BICC1: variants seen among roughly 807,000 people sequenced by gnomAD.
The protein encoded by BICC1 is BicC family RNA binding protein 1.
BICC1 carries 43 observed loss-of-function variants against 111.0 expected under a neutral mutation model. The observed-to-expected ratio is 0.39, with a 90% CI of 0.30 to 0.50. The LOEUF (loss-of-function observed/expected upper bound fraction) is 0.50. BICC1 is among the 20% of genes least tolerant of loss of function. The probability of loss-of-function intolerance (pLI) is 0.88; values close to 1 mark genes in which losing one functional copy is unlikely to be tolerated. For synonymous variants in BICC1, 467 were observed against 434.4 expected (o/e 1.07, Z -0.93); for missense variants, 1,091 against 1,203.2 (o/e 0.91, Z 1.38).
At chr10:58,519,714 T>C (rs894850675) in intron 1 of BICC1, among the ~76,000 whole-genome samples, 3 of 152,138 alleles carry the variant, frequency 2.0e-5, no homozygotes, top group African/African-American at 7.2e-5. Flanking sequence ...TAAACCTAAA[T>C]ACCAAAGAGG....
At chr10:58,734,009 A>C (rs780853624) in intron 3 of BICC1, among the ~76,000 whole-genome samples, 1 of 152,198 alleles carries the variant, frequency 6.6e-6, no homozygotes, top group Non-Finnish European at 1.5e-5. Context: ...ATTTGTATTG[A>C]TCTCTGCCCT....
At chr10:58,713,552 T>A (rs899175723) in intron 3 of BICC1, among the ~76,000 whole-genome samples, 1 of 152,206 alleles carries the variant, frequency 6.6e-6, no homozygotes, top group African/African-American at 2.4e-5. Context: ...GAATTGTAAG[T>A]GATGTAGTTT....
At chr10:58,628,999 GAAAGT>G (rs1323941511) in intron 2 of BICC1, among the ~76,000 whole-genome samples, 2 of 152,176 alleles carry the variant, frequency 1.3e-5, no homozygotes, top group Non-Finnish European at 2.9e-5. Flanking sequence ...GCTAGACTGT[GAAAGT>G]GTGGAAAGCC....
chr10:58,750,372 C>T (rs984494735), intron 3 of BICC1, among the ~76,000 whole-genome samples: 3 of 151,972 alleles, frequency 2.0e-5, no homozygotes, highest in Non-Finnish European at 4.4e-5. Context: ...TCTAAAATGC[C>T]ATTGATTGTT....
chr10:58,768,692 CAA>C (rs77007848), intron 3 of BICC1, among the ~76,000 whole-genome samples: 2 of 151,118 alleles, frequency 1.3e-5, no homozygotes, highest in Non-Finnish European at 3.0e-5. Flanking sequence ...ATCATAACAT[CAA>C]AAAAAATGGG....
chr10:58,566,664 A>G (rs1352874183), intron 1 of BICC1, among the ~76,000 whole-genome samples: 1 of 151,810 alleles, frequency 6.6e-6, no homozygotes, highest in Non-Finnish European at 1.5e-5. Flanking sequence ...ATCATCATCT[A>G]TTATTTTTTG....
intron 1 of BICC1, among the ~76,000 whole-genome samples, chr10:58,563,481 C>G (rs1843668340): frequency 1.3e-5 from 2 of 152,290 alleles, no homozygotes; most frequent in South Asian, 4.1e-4. Context: ...TCAAGCCAAT[C>G]CTTGCTGGAT....
intron 1 of BICC1, among the ~76,000 whole-genome samples, chr10:58,610,659 T>C (rs1344241630): frequency 6.6e-6 from 1 of 151,872 alleles, no homozygotes; most frequent in African/African-American, 2.4e-5. Context: ...TATAATGGGG[T>C]AAATTTCTGT....
chr10:58,695,199 A>G (rs148022646), intron 2 of BICC1, among the ~76,000 whole-genome samples: 2 of 152,292 alleles, frequency 1.3e-5, no homozygotes, highest in African/African-American at 2.4e-5. Context: ...GAACCCTCTA[A>G]TGTCTCAGCA....
chr10:58,681,465 C>T (rs1178608905), intron 2 of BICC1, among the ~76,000 whole-genome samples: 2 of 152,072 alleles, frequency 1.3e-5, no homozygotes, highest in African/African-American at 2.4e-5. Flanking sequence ...GATACCATCT[C>T]CAGTTAGAAT....
intron 1 of BICC1, among the ~76,000 whole-genome samples, chr10:58,583,117 G>T (rs1844326771): frequency 6.6e-6 from 1 of 152,126 alleles, no homozygotes; most frequent in Admixed American, 6.6e-5. Context: ...ATCAGTTGAA[G>T]AAATAGATGT....
intron 1 of BICC1, among the ~76,000 whole-genome samples, chr10:58,521,025 C>T (rs1842373574): frequency 6.6e-6 from 1 of 152,136 alleles, no homozygotes; most frequent in African/African-American, 2.4e-5. Flanking sequence ...CTATCTTTTT[C>T]ACTTAGCGTT....
intron 1 of BICC1, among the ~76,000 whole-genome samples, chr10:58,552,727 A>T (rs937715813): frequency 6.6e-6 from 1 of 152,214 alleles, no homozygotes; most frequent in African/African-American, 2.4e-5. Flanking sequence ...GAAACTATCT[A>T]GCCAAGTGAT....
intron 1 of BICC1, among the ~76,000 whole-genome samples, chr10:58,566,212 A>C (rs1454833081): frequency 6.6e-6 from 1 of 152,006 alleles, no homozygotes; most frequent in Non-Finnish European, 1.5e-5. Flanking sequence ...ACATGTACAC[A>C]CTTGCATATG....
chr10:58,687,031 G>T lies in BICC1; in HGVS notation c.238-15043G>T, dbSNP rs544051903. 5.3e-5 allele frequency among the ~76,000 whole-genome samples: 8 copies of T among 152,276 alleles called. No homozygotes were observed. The East Asian group carries it at 1.5e-3, about 29-fold the overall frequency. ...TATCTACCTCTGGTCTTTGATGATGGTGATGTACAGATGGGGTTTTGGTAT... is the reference window on the plus strand; with the variant it reads ...TATCTACCTCTGGTCTTTGATGATGTTGATGTACAGATGGGGTTTTGGTAT... On this transcript the variant is annotated intron_variant, in intron 2 of 20. Transcript: ENST00000373886.
chr10:58,692,604 A>C (rs551605698), intron 2 of BICC1, among the ~76,000 whole-genome samples: 11 of 152,334 alleles, frequency 7.2e-5, no homozygotes, highest in African/African-American at 2.6e-4. Flanking sequence ...GAAAATTAAC[A>C]CGTATTATTT....
intron 1 of BICC1, among the ~76,000 whole-genome samples, chr10:58,576,390 A>C (rs959140539): frequency 2.0e-5 from 3 of 151,990 alleles, no homozygotes; most frequent in African/African-American, 7.3e-5. Flanking sequence ...TACCTTTTCA[A>C]GTTACTACAA....
chr10:58,553,027 G>GTTATT (rs1290799891), intron 1 of BICC1, among the ~76,000 whole-genome samples: 1 of 151,162 alleles, frequency 6.6e-6, no homozygotes, highest in African/African-American at 2.5e-5. Context: ...CTACTGAATT[G>GTTATT]TAGTTTTGTT....
At chr10:58,783,284 C>T (rs1842927847) in intron 3 of BICC1, among the ~76,000 whole-genome samples, 1 of 152,160 alleles carries the variant, frequency 6.6e-6, no homozygotes, top group Non-Finnish European at 1.5e-5. Flanking sequence ...CATTCCTGAA[C>T]TCTGAAGCTT....
Sources: gnomAD v4.1 joint callset for allele counts (sites outside exome capture counted in the v4.1 genomes callset) on GRCh38, gnomAD v4.1.1 for gene constraint, MANE v1.5 for transcripts, NCBI Gene and HGNC (gene_info 2026-07-23, HGNC 2026-07-21) for gene names.